Variants in SNX18 observed in about 807,000 individuals in gnomAD.
The protein encoded by SNX18 is sorting nexin-18.
In SNX18, 35 loss-of-function variants were observed where a neutral mutation model predicts 48.7. The ratio of observed to expected loss-of-function variants is 0.72; its 90% confidence interval spans 0.55 to 0.95. The LOEUF (loss-of-function observed/expected upper bound fraction) is 0.95. Ranked by LOEUF, SNX18 falls within the 40% of genes least tolerant of loss-of-function variation. The pLI is 0.00. For missense variants in SNX18, 824 were observed against 871.0 expected (o/e 0.95, Z 0.68); for synonymous variants, 492 against 384.7 (o/e 1.28, Z -3.26).
the SNX18 span, among the ~76,000 whole-genome samples, chr5:54,605,929 G>T: frequency 9.2e-5 from 14 of 152,142 alleles, no homozygotes; most frequent in Non-Finnish European, 1.9e-4. Flanking sequence ...CTCCCAAAGC[G>T]TTTGGATTAT....
the SNX18 span, chr5:54,645,327 A>T: frequency 1.3e-5 from 2 of 152,238 alleles, no homozygotes; most frequent in African/African-American, 2.4e-5. Context: ...TGGTCTAACA[A>T]GGGAGACATA....
chr5:54,529,734 G>T (rs1434914971), intron 1 of SNX18, among the ~76,000 whole-genome samples: 2 of 152,082 alleles, frequency 1.3e-5, no homozygotes, highest in African/African-American at 4.8e-5. Flanking sequence ...AAACCAGATG[G>T]GTTTGAGTTC....
chr5:54,630,848 AAAG>A, the SNX18 span, among the ~76,000 whole-genome samples: 1 of 151,278 alleles, frequency 6.6e-6, no homozygotes, highest in Non-Finnish European at 1.5e-5. Context: ...AAAAAAAAAA[AAAG>A]AGACCTCATG....
chr5:54,522,745 CA>C (rs11301248), intron 1 of SNX18, among the ~76,000 whole-genome samples: 34,175 of 151,908 alleles, frequency 0.22, 4,667 homozygotes, highest in Non-Finnish European at 0.3. Flanking sequence ...AACCCAGCTG[CA>C]AAATGAGGGT....
intron 1 of SNX18, chr5:54,521,126 A>G (rs1762023476): frequency 1.3e-5 from 2 of 152,350 alleles, no homozygotes; most frequent in South Asian, 2.1e-4. Context: ...ATTGTGTTAC[A>G]TCATTCTGGA....
At chr5:54,555,245 C>T in the SNX18 span, among the ~76,000 whole-genome samples, 233 of 152,298 alleles carry the variant, frequency 1.5e-3, 2 homozygotes, top group African/African-American at 5.3e-3. Context: ...CCGGGGTACC[C>T]GATGCTTTCT....
chr5:54,584,906 G>A, the SNX18 span, among the ~76,000 whole-genome samples: 2 of 152,162 alleles, frequency 1.3e-5, no homozygotes, highest in African/African-American at 4.8e-5. Flanking sequence ...GGACAGACAG[G>A]CCATGCTGGT....
chr5:54,633,614 T>C, the SNX18 span, among the ~76,000 whole-genome samples: 1 of 152,216 alleles, frequency 6.6e-6, no homozygotes. Flanking sequence ...GTTATAATAT[T>C]ATATACCTCA....
intron 1 of SNX18, among the ~76,000 whole-genome samples, chr5:54,532,801 A>G (rs547045174): frequency 6.6e-6 from 1 of 152,350 alleles, no homozygotes; most frequent in East Asian, 1.9e-4. Flanking sequence ...CAAATAAACC[A>G]CAAGAGGTAC....
chr5:54,588,306 C>CTTTATTTTTTTTTTTTTT, the SNX18 span, among the ~76,000 whole-genome samples: 1 of 73,910 alleles, frequency 1.4e-5, no homozygotes, highest in Non-Finnish European at 2.5e-5. Context: ...TATTTCTATT[C>CTTTATTTTTTTTTTTTTT]TTTTTTTTTT....
chr5:54,529,561 G>A (rs558766219), intron 1 of SNX18, among the ~76,000 whole-genome samples: 59 of 152,224 alleles, frequency 3.9e-4, no homozygotes, highest in African/African-American at 1.2e-3. Flanking sequence ...TAGGGGAGTG[G>A]GTGTGGCTAC....
intron 1 of SNX18, among the ~76,000 whole-genome samples, chr5:54,535,077 G>A (rs961075858): frequency 2.6e-5 from 4 of 152,162 alleles, no homozygotes; most frequent in Non-Finnish European, 4.4e-5. Context: ...CTTGTCACAT[G>A]ATTAAATTCT....
chr5:54,614,417 T>C, the SNX18 span, among the ~76,000 whole-genome samples: 1 of 152,288 alleles, frequency 6.6e-6, no homozygotes, highest in African/African-American at 2.4e-5. Context: ...TGGAACAAGA[T>C]CAGTGATTAG....
At chr5:54,557,412 C>A in the SNX18 span, among the ~76,000 whole-genome samples, 1 of 152,172 alleles carries the variant, frequency 6.6e-6, no homozygotes, top group African/African-American at 2.4e-5. Flanking sequence ...GATAATCATA[C>A]AATATGGCAA....
At chr5:54,613,914 C>T in the SNX18 span, among the ~76,000 whole-genome samples, 230 of 152,202 alleles carry the variant, frequency 1.5e-3, no homozygotes, top group African/African-American at 5.3e-3. Context: ...AGGTTGGTCT[C>T]GAACTCCCGA....
chr5:54,627,703 A>G, the SNX18 span, among the ~76,000 whole-genome samples: 1 of 152,094 alleles, frequency 6.6e-6, no homozygotes, highest in Non-Finnish European at 1.5e-5. Flanking sequence ...TGCAGATTCC[A>G]GCCCATGCTC....
intron 1 of SNX18, among the ~76,000 whole-genome samples, chr5:54,527,404 C>T (rs903826680): frequency 1.3e-5 from 2 of 151,674 alleles, no homozygotes; most frequent in African/African-American, 2.4e-5. Flanking sequence ...GTAGAATCAA[C>T]AGGTTTTCCT....
intron 1 of SNX18, among the ~76,000 whole-genome samples, chr5:54,529,005 A>C (rs936329307): frequency 1.3e-5 from 2 of 152,182 alleles, no homozygotes; most frequent in Non-Finnish European, 1.5e-5. Context: ...CTGGGTTTAC[A>C]GCTGCTGTTG....
the SNX18 span, among the ~76,000 whole-genome samples, chr5:54,641,655 C>A: frequency 6.6e-6 from 1 of 152,134 alleles, no homozygotes; most frequent in Non-Finnish European, 1.5e-5. Flanking sequence ...CACAGCACAA[C>A]AAAAATTTTT....
Sources: allele counts gnomAD v4.1 joint callset (sites outside exome capture counted in the v4.1 genomes callset), GRCh38; gene constraint gnomAD v4.1.1; transcripts MANE v1.5; gene names NCBI Gene and HGNC (gene_info 2026-07-23, HGNC 2026-07-21).